The following RBFOX1 variants were observed in gnomAD, a reference collection of about 807,000 sequenced individuals.
RBFOX1 encodes RNA binding fox-1 homolog 1, also known as RNA binding protein fox-1 homolog 1.
In RBFOX1, 8 loss-of-function variants were observed where a neutral mutation model predicts 57.7. That is an observed-to-expected ratio of 0.14 (90% confidence interval 0.08 to 0.25). RBFOX1 has a LOEUF of 0.25. Ranked by LOEUF, RBFOX1 falls within the 10% of genes least tolerant of loss-of-function variation. The pLI is 1.00. For missense variants in RBFOX1, 611 were observed against 548.5 expected, an observed-to-expected ratio of 1.11 and a Z score of -1.14; for synonymous variants, 326 against 222.4, an observed-to-expected ratio of 1.47 and a Z score of -4.15.
intron 2 of RBFOX1, among the ~76,000 whole-genome samples, chr16:6,583,636 G>A (rs553851102): frequency 2.6e-5 from 4 of 152,250 alleles, no homozygotes; most frequent in African/African-American, 9.6e-5. Context: ...TTGCTCTCTG[G>A]CTGGTTTTGT....
At chr16:6,825,246 A>G (rs991988440) in intron 3 of RBFOX1, among the ~76,000 whole-genome samples, 2 of 150,748 alleles carry the variant, frequency 1.3e-5, no homozygotes, top group African/African-American at 2.4e-5. Context: ...CCCTCTAGCT[A>G]CTAGATACCA....
chr16:5,579,722 T>C (rs909013033), intron 2 of RBFOX1, among the ~76,000 whole-genome samples: 4 of 152,034 alleles, frequency 2.6e-5, no homozygotes, highest in Admixed American at 6.6e-5. Context: ...ATGACACTTA[T>C]CACACAGTCA....
chr16:5,698,248 G>A (rs993246453), intron 3 of RBFOX1, among the ~76,000 whole-genome samples: 3 of 152,070 alleles, frequency 2.0e-5, no homozygotes, highest in African/African-American at 7.2e-5. Context: ...ACTACCCCCA[G>A]TGAGTCATGA....
At chr16:6,211,763 A>G (rs886439527) in intron 1 of RBFOX1, among the ~76,000 whole-genome samples, 9 of 152,122 alleles carry the variant, frequency 5.9e-5, no homozygotes, top group Non-Finnish European at 7.3e-5. Flanking sequence ...TTGATTTTGT[A>G]CATAAATGTG....
At chr16:5,660,366 T>A (rs1477174154) in intron 3 of RBFOX1, among the ~76,000 whole-genome samples, 1 of 152,094 alleles carries the variant, frequency 6.6e-6, no homozygotes, top group Non-Finnish European at 1.5e-5. Context: ...GCTGGTAGAG[T>A]CCGGTGACTA....
chr16:6,968,797 G>C lies in RBFOX1; in HGVS notation c.-15-83260G>C, dbSNP rs146998712. On this transcript the variant is annotated intron_variant, in intron 3 of 15. Coordinates refer to ENST00000550418, the MANE Select transcript of RBFOX1 (RefSeq NM_018723.4). ...GTAGCTGATTACCTTCATTAGCTCA[G>C]AATGTATTAATCCAGGTTTTTTTGT... is the stretch of plus-strand genomic sequence containing the variant. Among the ~76,000 whole-genome samples the C allele has an allele frequency of 1.7e-4, 26 of 151,772 alleles. No homozygotes were observed. The East Asian group carries it at 4.5e-3, about 26-fold the overall frequency.
chr16:7,190,580 G>C (rs1452113786), intron 4 of RBFOX1, among the ~76,000 whole-genome samples: 2 of 152,022 alleles, frequency 1.3e-5, no homozygotes, highest in African/African-American at 4.8e-5. Context: ...AGAGGAGGTT[G>C]CTAAGAGGGT....
chr16:6,244,388 C>T (rs952565273), intron 1 of RBFOX1, among the ~76,000 whole-genome samples: 1 of 152,148 alleles, frequency 6.6e-6, no homozygotes, highest in African/African-American at 2.4e-5. Flanking sequence ...ATCAGAGAGT[C>T]CACCCTAGCT....
intron 4 of RBFOX1, among the ~76,000 whole-genome samples, chr16:7,053,819 G>A (rs1041264218): frequency 6.6e-6 from 1 of 152,070 alleles, no homozygotes; most frequent in African/African-American, 2.4e-5. Flanking sequence ...CTAACATCAC[G>A]AACCAGTGCT....
At chr16:7,140,157 C>CTCTCTCTCTCTCTCTCTCTCT (rs2073295791) in intron 4 of RBFOX1, among the ~76,000 whole-genome samples, 1 of 70,866 alleles carries the variant, frequency 1.4e-5, no homozygotes, top group African/African-American at 5.9e-5. Context: ...TCCTTCTCTC[C>CTCTCTCTCTCTCTCTCTCTCT]CTCTCTCTCT....
intron 2 of RBFOX1, among the ~76,000 whole-genome samples, chr16:6,503,861 C>A (rs937205234): frequency 3.3e-5 from 5 of 152,114 alleles, no homozygotes; most frequent in African/African-American, 7.2e-5. Flanking sequence ...TGCATCTACC[C>A]AGGCCTCTTT....
intron 1 of RBFOX1, among the ~76,000 whole-genome samples, chr16:5,348,230 C>T (rs1209249031): frequency 2.0e-5 from 3 of 151,918 alleles, no homozygotes; most frequent in East Asian, 3.9e-4. Context: ...ACTCATCTAC[C>T]CACCCATCTG....
intron 3 of RBFOX1, among the ~76,000 whole-genome samples, chr16:6,996,730 G>T (rs1375323056): frequency 1.3e-5 from 2 of 152,160 alleles, no homozygotes; most frequent in African/African-American, 4.8e-5. Context: ...TACAAATAAT[G>T]CTTTGCAATT....
chr16:7,135,338 C>T (rs188627228), intron 4 of RBFOX1, among the ~76,000 whole-genome samples: 2 of 152,310 alleles, frequency 1.3e-5, no homozygotes, highest in East Asian at 1.9e-4. Flanking sequence ...AATTTGTCAG[C>T]ACTTTGCAGA....
intron 4 of RBFOX1, among the ~76,000 whole-genome samples, chr16:7,395,631 G>C (rs1041736724): frequency 2.0e-5 from 3 of 152,122 alleles, no homozygotes; most frequent in Non-Finnish European, 4.4e-5. Flanking sequence ...GTGTTTGCAG[G>C]TTCTCATGTA....
intron 4 of RBFOX1, among the ~76,000 whole-genome samples, chr16:5,924,740 C>T (rs1021859589): frequency 1.3e-5 from 2 of 152,170 alleles, no homozygotes; most frequent in Non-Finnish European, 2.9e-5. Context: ...AGACACCTAC[C>T]TTTCCAGGAA....
intron 2 of RBFOX1, among the ~76,000 whole-genome samples, chr16:5,500,102 CCCTTCCCTCCCTTCCCT>C (rs1395033542): frequency 7.6e-5 from 10 of 131,282 alleles, no homozygotes; most frequent in African/African-American, 3.3e-4. Flanking sequence ...TCCATTCCCT[CCCTTCCCTCCCTTCCCT>C]CCTTCCCTCC....
chr16:5,421,231 A>G (rs1352452074), intron 1 of RBFOX1, among the ~76,000 whole-genome samples: 1 of 151,474 alleles, frequency 6.6e-6, no homozygotes, highest in African/African-American at 2.4e-5. Flanking sequence ...TGGTCTCGAA[A>G]TCCTGACCTC....
intron 2 of RBFOX1, among the ~76,000 whole-genome samples, chr16:6,456,935 C>T (rs148880741): frequency 6.6e-6 from 1 of 152,134 alleles, no homozygotes; most frequent in Non-Finnish European, 1.5e-5. Flanking sequence ...GATGTATTAA[C>T]TTGTAGGTAT....
Sources: allele counts gnomAD v4.1 joint callset (sites outside exome capture counted in the v4.1 genomes callset), GRCh38; gene constraint gnomAD v4.1.1; transcripts MANE v1.5; gene names NCBI Gene and HGNC (gene_info 2026-07-23, HGNC 2026-07-21).